Variants in KYNU observed in about 807,000 individuals in gnomAD.
KYNU encodes kynureninase.
Under a neutral mutation model 59.2 loss-of-function variants are expected in KYNU, and 54 were observed. The ratio of observed to expected loss-of-function variants is 0.91; its 90% CI spans 0.73 to 1.14. The LOEUF is 1.14. Ranked by LOEUF, KYNU falls within the 50% of genes most tolerant of loss-of-function variation. The pLI is 0.00. For missense variants in KYNU, 567 were observed against 554.4 expected (o/e 1.02, Z -0.23); for synonymous variants, 177 against 192.0 (o/e 0.92, Z 0.65).
At position 142,929,359 on chromosome 2, in the gene KYNU, C is replaced by CA. The variant is rs5834929; in HGVS notation, c.373+1642dup. 5.3e-3 allele frequency among the ~76,000 whole-genome samples: 558 copies of CA among 105,818 alleles called. 2 individuals are homozygous for CA. The highest frequency in any genetic ancestry group is 0.011 in the African/African-American group (287 of 26,790). The allele number at this position is 105,818 out of a possible 152,430, so 69.4% of individuals were successfully genotyped here. ...ATAGACAAGTGGTAATTGCCTTTCT[C>CA]AAAAAAAAAAAAAAAAAAAAAAAAG... On this transcript the variant is annotated intron_variant, in intron 4 of 13. Transcript: ENST00000264170.
chr2:143,050,659 A>G lies in KYNU; in HGVS notation c.*8487A>G, dbSNP rs1305248597. ...ATTTCATGTTGCTTTAACTTATTAA[A>G]AAACAGACTGAAGAAAGACTGGGTG... On this transcript the variant is annotated 3_prime_UTR_variant, in exon 14 of 14. Coordinates refer to ENST00000264170, the MANE Select transcript of KYNU (RefSeq NM_003937.3). 1.3e-5 allele frequency: 2 copies of G among 152,232 alleles called. No homozygotes were observed. Among genetic ancestry groups the G allele is most frequent in the Admixed American group, 1.3e-4 (2 of 15,274 alleles). The allele number at this position is 152,232 out of a possible 1,614,324, so 9.4% of individuals were successfully genotyped here.
At position 143,033,232 on chromosome 2, in the gene KYNU, T is replaced by G; in HGVS notation, c.956-4T>G. On this transcript the variant is annotated splice_region_variant and splice_polypyrimidine_tract_variant and intron_variant, in intron 11 of 13. Transcript: ENST00000264170. ...ATGATAATGACATGATATTAATTTC[T>G]CAGAACTGCAGTTAATCCCTGGGGT... The G allele has an allele frequency of 6.2e-7, 1 of 1,600,700 alleles. No homozygotes were observed. Among genetic ancestry groups the G allele is most frequent in the Non-Finnish European group, 8.6e-7 (1 of 1,167,832 alleles).
chr2:142,886,733 T>C (rs931695676), intron 2 of KYNU, among the ~76,000 whole-genome samples: 2 of 152,200 alleles, frequency 1.3e-5, no homozygotes, highest in African/African-American at 4.8e-5. Context: ...AGGGGCTTGG[T>C]GATATGTGCA....
At chr2:142,937,266 T>G (rs1402093785) in intron 4 of KYNU, among the ~76,000 whole-genome samples, 3 of 152,068 alleles carry the variant, frequency 2.0e-5, no homozygotes, top group African/African-American at 7.3e-5. Flanking sequence ...CATCTTAAAC[T>G]TTCAGGCCCC....
At chr2:142,995,957 CTCT>C (rs1685526937) in intron 10 of KYNU, among the ~76,000 whole-genome samples, 1 of 152,074 alleles carries the variant, frequency 6.6e-6, no homozygotes. Flanking sequence ...GCCTGAACTA[CTCT>C]TATTTCTGAA....
intron 2 of KYNU, among the ~76,000 whole-genome samples, chr2:142,918,086 G>A (rs1348437020): frequency 2.0e-5 from 3 of 152,110 alleles, no homozygotes; most frequent in Admixed American, 1.3e-4. Flanking sequence ...GCCTATACAT[G>A]TGTTAGTACT....
intron 8 of KYNU, among the ~76,000 whole-genome samples, chr2:142,982,984 A>G (rs1233808961): frequency 1.3e-5 from 2 of 152,014 alleles, no homozygotes; most frequent in African/African-American, 4.8e-5. Flanking sequence ...GGAGCTGAGT[A>G]TATCAATTCA....
At chr2:143,021,922 C>G (rs1558979710) in intron 10 of KYNU, among the ~76,000 whole-genome samples, 1 of 152,062 alleles carries the variant, frequency 6.6e-6, no homozygotes, top group African/African-American at 2.4e-5. Context: ...TTCAGGAATG[C>G]AGGTCTTGAA....
intron 2 of KYNU, among the ~76,000 whole-genome samples, chr2:142,898,459 C>T (rs989747421): frequency 2.1e-4 from 25 of 117,298 alleles, no homozygotes; most frequent in African/African-American, 9.0e-4. Context: ...GTTGTATTCC[C>T]TAGTTCAAGG....
intron 8 of KYNU, among the ~76,000 whole-genome samples, chr2:142,983,852 A>G (rs558947263): frequency 5.3e-5 from 8 of 152,216 alleles, no homozygotes; most frequent in Non-Finnish European, 1.0e-4. Flanking sequence ...ATATATGGCA[A>G]ATCGTATTAG....
intron 2 of KYNU, among the ~76,000 whole-genome samples, chr2:142,897,038 T>C (rs1681901841): frequency 6.6e-6 from 1 of 152,216 alleles, no homozygotes; most frequent in South Asian, 2.1e-4. Flanking sequence ...TATTTAGAAG[T>C]GTGTTGTTTA....
intron 10 of KYNU, chr2:142,988,851 G>T (rs376799457): frequency 1.2e-6 from 2 of 1,605,340 alleles, no homozygotes; most frequent in Admixed American, 1.7e-5. Context: ...TTAGGAGATC[G>T]GAGTTCTTTA....
At chr2:143,005,354 C>A (rs1364801164) in intron 10 of KYNU, among the ~76,000 whole-genome samples, 2 of 152,088 alleles carry the variant, frequency 1.3e-5, no homozygotes, top group Non-Finnish European at 2.9e-5. Context: ...TCTCATATAC[C>A]AGGTTCCATG....
At chr2:142,991,142 G>A (rs531932527) in intron 10 of KYNU, among the ~76,000 whole-genome samples, 62 of 151,882 alleles carry the variant, frequency 4.1e-4, no homozygotes, top group African/African-American at 1.5e-3. Context: ...TGAAGAGATC[G>A]TCTTTTGCAC....
intron 2 of KYNU, among the ~76,000 whole-genome samples, chr2:142,887,844 A>G (rs1681569719): frequency 6.6e-6 from 1 of 152,214 alleles, no homozygotes; most frequent in Non-Finnish European, 1.5e-5. Flanking sequence ...TTGCACAATA[A>G]TGTGAATGTA....
intron 10 of KYNU, among the ~76,000 whole-genome samples, chr2:143,019,510 G>A (rs1425224070): frequency 1.3e-5 from 2 of 152,088 alleles, no homozygotes; most frequent in African/African-American, 4.8e-5. Flanking sequence ...AATGCTACTT[G>A]ATCATGGTGA....
chr2:142,961,219 C>T (rs1470855981), intron 8 of KYNU, among the ~76,000 whole-genome samples: 2 of 141,306 alleles, frequency 1.4e-5, no homozygotes, highest in Admixed American at 7.0e-5. Context: ...GTAAATCTTA[C>T]ATTTTTAAAA....
intron 8 of KYNU, among the ~76,000 whole-genome samples, chr2:142,972,299 TTTACTC>T (rs1299700100): frequency 6.6e-6 from 1 of 152,112 alleles, no homozygotes; most frequent in Non-Finnish European, 1.5e-5. Flanking sequence ...TTCCAAACCC[TTTACTC>T]TTATCCATCC....
intron 4 of KYNU, among the ~76,000 whole-genome samples, chr2:142,937,823 G>C (rs968886955): frequency 6.6e-5 from 10 of 152,230 alleles, no homozygotes; most frequent in African/African-American, 2.4e-4. Context: ...GATTTTCAGA[G>C]AAAGCTTTAG....
Sources: allele counts gnomAD v4.1 joint callset (sites outside exome capture counted in the v4.1 genomes callset), GRCh38; gene constraint gnomAD v4.1.1; transcripts MANE v1.5; gene names NCBI Gene and HGNC (gene_info 2026-07-23, HGNC 2026-07-21).